The following THSD4 variants were observed in gnomAD, a reference collection of about 807,000 sequenced individuals.
The protein encoded by THSD4 is thrombospondin type-1 domain-containing protein 4.
In THSD4, 69 loss-of-function variants were observed where a neutral mutation model predicts 119.0. The observed-to-expected ratio is 0.58, with a 90% CI of 0.48 to 0.71. THSD4 has a LOEUF of 0.71. Ranked by LOEUF, THSD4 falls within the 30% of genes least tolerant of loss-of-function variation. The probability of loss-of-function intolerance (pLI) is 0.00; values close to 1 mark genes in which losing one functional copy is unlikely to be tolerated. For missense variants in THSD4, 1,393 were observed against 1,391.1 expected, an observed-to-expected ratio of 1.00 and a Z score of -0.02; for synonymous variants, 524 against 540.4, an observed-to-expected ratio of 0.97 and a Z score of 0.42.
intron 7 of THSD4, among the ~76,000 whole-genome samples, chr15:71,510,200 G>T (rs1324370157): frequency 6.6e-6 from 1 of 152,224 alleles, no homozygotes; most frequent in Non-Finnish European, 1.5e-5. Context: ...AGTGTCTAGT[G>T]TCTGGTAAAC....
intron 7 of THSD4, among the ~76,000 whole-genome samples, chr15:71,421,762 C>T (rs1248020841): frequency 6.6e-6 from 1 of 152,180 alleles, no homozygotes; most frequent in Non-Finnish European, 1.5e-5. Flanking sequence ...ACATTCTACC[C>T]CATCTGTCCT....
chr15:71,130,131 GCAACTCTCCTGAAA>G (rs1474099628), intron 1 of THSD4, among the ~76,000 whole-genome samples: 1 of 152,184 alleles, frequency 6.6e-6, no homozygotes, highest in Non-Finnish European at 1.5e-5. Flanking sequence ...GTGAACACAG[GCAACTCTCCTGAAA>G]AGGTACATTT....
chr15:71,486,171 G>A (rs1472079843), intron 7 of THSD4, among the ~76,000 whole-genome samples: 1 of 151,968 alleles, frequency 6.6e-6, no homozygotes, highest in Non-Finnish European at 1.5e-5. Context: ...CTCTTTCTCG[G>A]AGTCAGAGTT....
At chr15:71,161,811 T>C (rs1298771412) in intron 3 of THSD4, among the ~76,000 whole-genome samples, 1 of 151,996 alleles carries the variant, frequency 6.6e-6, no homozygotes, top group Non-Finnish European at 1.5e-5. Context: ...GAAGATCCTT[T>C]GTTTCTTTCT....
At chr15:71,164,774 T>C (rs1366115512) in intron 3 of THSD4, 2 of 1,585,158 alleles carry the variant, frequency 1.3e-6, no homozygotes, top group African/African-American at 2.7e-5. Context: ...ACCAACTTAT[T>C]CATCATCATC....
intron 7 of THSD4, among the ~76,000 whole-genome samples, chr15:71,527,692 T>C (rs958422862): frequency 6.2e-5 from 9 of 146,154 alleles, no homozygotes; most frequent in Admixed American, 3.5e-4. Flanking sequence ...TGATTTTTTT[T>C]CCCCATGTTT....
intron 7 of THSD4, among the ~76,000 whole-genome samples, chr15:71,429,450 T>C (rs1349143651): frequency 1.3e-5 from 2 of 152,198 alleles, no homozygotes; most frequent in African/African-American, 2.4e-5. Context: ...TCCAGGTGTA[T>C]TGACAGACTT....
At chr15:71,428,137 C>T (rs1357726834) in intron 7 of THSD4, among the ~76,000 whole-genome samples, 1 of 152,212 alleles carries the variant, frequency 6.6e-6, no homozygotes. Flanking sequence ...TACCCCAACC[C>T]ACCACCATCC....
chr15:71,116,983 C>T (rs1034930000), intron 1 of THSD4, among the ~76,000 whole-genome samples: 3 of 151,816 alleles, frequency 2.0e-5, no homozygotes, highest in Non-Finnish European at 4.4e-5. Flanking sequence ...AAATCCTAGC[C>T]CTGAAATTAA....
intron 8 of THSD4, among the ~76,000 whole-genome samples, chr15:71,721,539 A>C (rs1217861793): frequency 6.6e-6 from 1 of 150,488 alleles, no homozygotes; most frequent in Non-Finnish European, 1.5e-5. Context: ...GTATGGTGGC[A>C]CATGCCTGTA....
intron 7 of THSD4, among the ~76,000 whole-genome samples, chr15:71,425,937 G>A (rs2046861205): frequency 6.6e-6 from 1 of 152,168 alleles, no homozygotes; most frequent in Admixed American, 6.5e-5. Context: ...GCCCCTGTCA[G>A]CCTCATCTTG....
intron 3 of THSD4, among the ~76,000 whole-genome samples, chr15:71,200,655 G>A (rs1376427637): frequency 6.6e-6 from 1 of 152,102 alleles, no homozygotes; most frequent in African/African-American, 2.4e-5. Flanking sequence ...TAACCAAATA[G>A]TTTTTTTCTC....
At chr15:71,589,797 T>G (rs2049760080) in intron 7 of THSD4, among the ~76,000 whole-genome samples, 1 of 139,202 alleles carries the variant, frequency 7.2e-6, no homozygotes, top group Non-Finnish European at 1.6e-5. Flanking sequence ...ATTGGAAACA[T>G]TCTCAATCTC....
At chr15:71,246,538 TAA>T (rs1798793059) in intron 5 of THSD4, among the ~76,000 whole-genome samples, 1 of 152,176 alleles carries the variant, frequency 6.6e-6, no homozygotes, top group South Asian at 2.1e-4. Flanking sequence ...TTTAAAGTGA[TAA>T]GAGTTAAATT....
At chr15:71,255,700 G>A (rs2044307570) in intron 5 of THSD4, among the ~76,000 whole-genome samples, 1 of 152,180 alleles carries the variant, frequency 6.6e-6, no homozygotes, top group Non-Finnish European at 1.5e-5. Flanking sequence ...CAGGCTGCTT[G>A]CATTTAAATC....
At chr15:71,605,344 G>A (rs1306221945) in intron 7 of THSD4, among the ~76,000 whole-genome samples, 1 of 151,766 alleles carries the variant, frequency 6.6e-6, no homozygotes, top group Non-Finnish European at 1.5e-5. Flanking sequence ...GTCGTTCTAA[G>A]TATAGGTCAT....
At chr15:71,238,084 T>C (rs1030412592) in intron 4 of THSD4, among the ~76,000 whole-genome samples, 1 of 151,982 alleles carries the variant, frequency 6.6e-6, no homozygotes, top group African/African-American at 2.4e-5. Flanking sequence ...GGGTGTTCCA[T>C]GTACTTACGT....
At chr15:71,731,732 C>G (rs538979766) in intron 10 of THSD4, 1 of 161,416 alleles carries the variant, frequency 6.2e-6, no homozygotes, top group Non-Finnish European at 1.4e-5. Flanking sequence ...TGCAGTGAGC[C>G]GTGATCAGAC....
In THSD4 at chr15:71,780,536, C is replaced by G; in HGVS notation, c.*3162C>G. 1 of 319,452 alleles carries G rather than the reference C, an allele frequency of 3.1e-6. No homozygotes were observed. Among genetic ancestry groups the G allele is most frequent in the Non-Finnish European group, 6.3e-6 (1 of 158,480 alleles). The allele number at this position is 319,452 out of a possible 1,614,324, so 19.8% of individuals were successfully genotyped here. A position where few individuals can be genotyped will look rare whatever the true frequency, so the allele number is the denominator to read the frequency against. On this transcript the variant is annotated 3_prime_UTR_variant, in exon 18 of 18. Transcript: ENST00000261862. The stretch of plus-strand genomic sequence containing the variant: ...CAACTAAAAAAACAAACAAAAACAC[C>G]AAAAGAAAAAAAAAAGCCATTTAAA...
Sources: gnomAD v4.1 joint callset for allele counts (sites outside exome capture counted in the v4.1 genomes callset) on GRCh38, gnomAD v4.1.1 for gene constraint, MANE v1.5 for transcripts, NCBI Gene and HGNC (gene_info 2026-07-23, HGNC 2026-07-21) for gene names.